The following ZBTB45 variants were observed in gnomAD, a reference collection of about 807,000 sequenced individuals.
The protein encoded by ZBTB45 is zinc finger and BTB domain containing 45.
In ZBTB45, 22 loss-of-function variants were observed where a neutral mutation model predicts 28.4. That is an observed-to-expected ratio of 0.77 (90% confidence interval 0.55 to 1.10). The LOEUF is 1.10. Among genes scored for constraint, ZBTB45 ranks in the 50% least tolerant of loss-of-function variants. The pLI, the probability that ZBTB45 is intolerant of heterozygous loss-of-function variation, is 0.00. For synonymous variants in ZBTB45, 361 were observed against 332.3 expected (o/e 1.09, Z -0.94); for missense variants, 656 against 750.2 (o/e 0.87, Z 1.47).
chr19:58,514,381 C>T (rs1480919813), intron 2 of ZBTB45, 71 bp from the exon 3 acceptor site: 2 of 1,320,438 alleles, frequency 1.5e-6, no homozygotes, highest in African/African-American at 6.7e-5. Flanking sequence ...CCACCCCACC[C>T]CCACCTGGGC....
At chr19:58,527,016 T>G (rs1047472507) in intron 1 of ZBTB45, among the ~76,000 whole-genome samples, 1 of 152,040 alleles carries the variant, frequency 6.6e-6, no homozygotes, top group African/African-American at 2.4e-5. Context: ...TGAGTAAAGC[T>G]CTAAGGTGAA....
intron 1 of ZBTB45, among the ~76,000 whole-genome samples, chr19:58,527,088 T>C (rs1222285921): frequency 6.6e-6 from 1 of 152,196 alleles, no homozygotes; most frequent in Non-Finnish European, 1.5e-5. Flanking sequence ...AAAGACACAG[T>C]GAAGCTCTAG....
At chr19:58,514,409 G>GCTCCC (rs2053462722) in intron 2 of ZBTB45, 99 bp from the exon 3 acceptor site, 1 of 1,387,972 alleles carries the variant, frequency 7.2e-7, no homozygotes, top group African/African-American at 1.6e-5. Flanking sequence ...CCTAGCAGGG[G>GCTCCC]CTCCCCTCCC....
At chr19:58,531,920 T>C (rs1342044258) in intron 1 of ZBTB45, among the ~76,000 whole-genome samples, 1 of 152,152 alleles carries the variant, frequency 6.6e-6, no homozygotes, top group Admixed American at 6.6e-5. Context: ...TTTCCCTGTA[T>C]AGTCTGTCCC....
Position 58,515,881 on chromosome 19 carries a change from C to A in ZBTB45, c.1279+514G>T, listed in dbSNP as rs2053485954. On this transcript the variant is annotated intron_variant, in intron 2 of 2. Transcript: ENST00000594051. The surrounding 1 kb of genome is among the most constrained non-coding windows in gnomAD (Gnocchi z 4.7). ...GTCCTCTGCAGCTGTGGAGTCCCCACACTACCTATGTTTTCCTACTCATGC... is the reference window on the plus strand; with the variant it reads ...GTCCTCTGCAGCTGTGGAGTCCCCAAACTACCTATGTTTTCCTACTCATGC... Among the ~76,000 whole-genome samples, 1 of 152,170 alleles carries A rather than the reference C, an allele frequency of 6.6e-6. No homozygotes were observed. The highest frequency in any genetic ancestry group is 1.5e-5 in the Non-Finnish European group (1 of 68,026).
intron 1 of ZBTB45, among the ~76,000 whole-genome samples, chr19:58,527,357 C>T (rs1310413157): frequency 6.6e-6 from 1 of 152,258 alleles, no homozygotes; most frequent in East Asian, 1.9e-4. Flanking sequence ...GTTGTGTAAC[C>T]TTCACCACTG....
At chr19:58,521,989 AG>A (rs1296489760), upstream of ZBTB45, among the ~76,000 whole-genome samples, 1 of 152,012 alleles carries the variant, frequency 6.6e-6, no homozygotes, top group Non-Finnish European at 1.5e-5. Context: ...TTTGGAGGTC[AG>A]GGGGAGGAAA....
Position 58,513,975 on chromosome 19 carries a change from C to A in ZBTB45, c.*79G>T. ...AGGGAGCGTGGTCTAGTGGCGGGAA[C>A]CACGGGTCCCGCAGCGGGCGTGGCC... is the stretch of plus-strand genomic sequence containing the variant. On this transcript the variant is annotated 3_prime_UTR_variant, in exon 3 of 3. Coordinates refer to ENST00000594051, the MANE Select transcript of ZBTB45 (RefSeq NM_001316979.2). 7.4e-7 allele frequency: 1 copy of A among 1,344,712 alleles called. No individual in the cohort carries two copies. Among genetic ancestry groups the A allele is most frequent in the African/African-American group, 1.5e-5 (1 of 64,718 alleles). 83.3% of individuals were successfully genotyped at this position (1,344,712 alleles called of 1,614,324 possible).
chr19:58,533,911 C>T (rs906191353), intron 1 of ZBTB45, among the ~76,000 whole-genome samples: 2 of 152,090 alleles, frequency 1.3e-5, no homozygotes, highest in East Asian at 1.9e-4. Context: ...TACAATTGAC[C>T]CTACACAACA....
chr19:58,516,697 C>T lies in ZBTB45; in HGVS notation c.977G>A (p.Gly326Glu). ...GSRPPGVKTP[G>E]PPVALFPFHL... Reference sequence around the variant, plus strand: ...AAAGGGGAAGAGTGCAACGGGCGGCCCTGGGGTCTTCACACCAGGCGGGCG... The same window carrying T: ...AAAGGGGAAGAGTGCAACGGGCGGCTCTGGGGTCTTCACACCAGGCGGGCG... Residue 326 changes from glycine to glutamate, a missense_variant, in exon 2 of 3, where the codon GGG becomes GAG. By Grantham distance (98) the Gly-to-Glu change is moderately conservative. Around this residue, in one of 3 missense-constraint regions of ZBTB45, gnomAD observed 448 missense variants for 444.3 expected, o/e 1.01. Coordinates refer to ENST00000594051, the MANE Select transcript of ZBTB45 (RefSeq NM_001316979.2). This position sits in a 1 kb window ranked among gnomAD's most constrained non-coding sequence, Gnocchi z 6.2. 6.3e-7 allele frequency: 1 copy of T among 1,589,386 alleles called. No individual in the cohort carries two copies. Among genetic ancestry groups the T allele is most frequent in the Non-Finnish European group, 8.6e-7 (1 of 1,166,924 alleles).
intron 1 of ZBTB45, among the ~76,000 whole-genome samples, chr19:58,528,633 G>T (rs572572095): frequency 6.6e-6 from 1 of 152,216 alleles, no homozygotes; most frequent in East Asian, 1.9e-4. Flanking sequence ...AGTGGCTCAC[G>T]CCTGTAATCC....
upstream of ZBTB45, among the ~76,000 whole-genome samples, chr19:58,524,307 G>A (rs970253186): frequency 6.6e-6 from 1 of 151,932 alleles, no homozygotes; most frequent in East Asian, 2.0e-4. Flanking sequence ...GGTTGTTGCA[G>A]TGAGCCGAGA....
At position 58,516,931 on chromosome 19, in the gene ZBTB45, G is replaced by A. The variant is rs770024452; in HGVS notation, c.743C>T (p.Ala248Val). ...GGGCTCCTCGCACGCGCTGTCAGCA[G>A]CAGCAGTGAGGAAGCCAGCAGCACA... is the stretch of plus-strand genomic sequence containing the variant. ...PDCAAGFLTA[A>V]ADSACEEPPA... The change falls in exon 2 of 3, where the codon GCT becomes GTT. Residue 248 changes from alanine (A) to valine (V), a missense_variant. This residue lies in a region of ZBTB45 where 448 missense variants were observed against 444.3 expected (regional missense o/e 1.01). Coordinates refer to ENST00000594051, the MANE Select transcript of ZBTB45 (RefSeq NM_001316979.2). The surrounding 1 kb of genome is among the most constrained non-coding windows in gnomAD (Gnocchi z 6.2). The A allele has an allele frequency of 8.1e-6, 13 of 1,613,202 alleles. No homozygotes were observed. The highest frequency in any genetic ancestry group is 2.2e-5 in the East Asian group (1 of 44,900).
At chr19:58,517,771 G>A (rs536288069) in intron 1 of ZBTB45, 98 bp from the exon 2 acceptor site, 76 of 1,164,148 alleles carry the variant, frequency 6.5e-5, no homozygotes, top group Non-Finnish European at 8.3e-5. Flanking sequence ...GACAGGGCTC[G>A]AGTGCACCAC....
intron 1 of ZBTB45, 80 bp from the exon 2 acceptor site, chr19:58,517,753 T>C: frequency 7.3e-7 from 1 of 1,374,082 alleles, no homozygotes; most frequent in Non-Finnish European, 1.0e-6. Context: ...CCTCACCCCT[T>C]GTTGCAGGAC....
At chr19:58,520,329 G>C (rs1374665129), upstream of ZBTB45, 1 of 152,216 alleles carries the variant, frequency 6.6e-6, no homozygotes, top group African/African-American at 2.4e-5. Context: ...GACAGGAATA[G>C]ACAACTGCCT....
chr19:58,517,025 C>G lies in ZBTB45; in HGVS notation c.649G>C (p.Glu217Gln). Reference protein sequence around the residue: ...GDEDDEESDDETDGEDGEGGG... With the variant: ...GDEDDEESDDQTDGEDGEGGG... ...CCTTCGCCATCCTCGCCATCGGTCT[C>G]ATCGTCACTTTCCTCGTCATCCTCG... The change falls in exon 2 of 3, where the codon GAG (glutamate) becomes CAG (glutamine). Residue 217 changes from glutamate (E) to glutamine (Q), a missense_variant. Glu to Gln is a conservative substitution (Grantham distance 29). This residue lies in a region of ZBTB45 where 448 missense variants were observed against 444.3 expected (regional missense o/e 1.01). Coordinates refer to ENST00000594051, the MANE Select transcript of ZBTB45 (RefSeq NM_001316979.2). 6.2e-7 allele frequency: 1 copy of G among 1,613,308 alleles called. No individual in the cohort carries two copies. Among genetic ancestry groups the G allele is most frequent in the Non-Finnish European group, 8.5e-7 (1 of 1,180,020 alleles).
chr19:58,525,423 C>A (rs2053602272), intron 1 of ZBTB45, among the ~76,000 whole-genome samples: 1 of 152,214 alleles, frequency 6.6e-6, no homozygotes, highest in South Asian at 2.1e-4. Context: ...GGGGTGGTCC[C>A]TGGCAAGGCA....
intron 1 of ZBTB45, chr19:58,519,436 C>A (rs1486535332): frequency 6.6e-6 from 1 of 152,590 alleles, no homozygotes; most frequent in African/African-American, 2.4e-5. Flanking sequence ...CACTCGAGAC[C>A]CGGCGCCCAG....
Sources: allele counts gnomAD v4.1 joint callset (sites outside exome capture counted in the v4.1 genomes callset), GRCh38; gene constraint gnomAD v4.1.1; regional missense constraint gnomAD v4.1.1; non-coding constraint Gnocchi (gnomAD v3.1); transcripts MANE v1.5; gene names NCBI Gene and HGNC (gene_info 2026-07-23, HGNC 2026-07-21).